The following ITGA9 variants were observed in gnomAD, a reference collection of about 807,000 sequenced individuals.
ITGA9 encodes the protein integrin subunit alpha 9, also known as integrin alpha-9.
In ITGA9, 56 loss-of-function variants were observed where a neutral mutation model predicts 127.8. The ratio of observed to expected loss-of-function variants is 0.44; its 90% CI spans 0.35 to 0.55. ITGA9 has a LOEUF of 0.55. Ranked by LOEUF, ITGA9 falls within the 20% of genes least tolerant of loss-of-function variation. The pLI is 0.00. For synonymous variants in ITGA9, 508 were observed against 514.5 expected (o/e 0.99, Z 0.17); for missense variants, 1,196 against 1,347.1 (o/e 0.89, Z 1.76).
chr3:37,803,800 T>A (rs1000670992), intron 26 of ITGA9, 23 bp from the exon 27 acceptor site: 1 of 1,613,958 alleles, frequency 6.2e-7, no homozygotes, highest in African/African-American at 1.3e-5. Flanking sequence ...AGGAAATGTT[T>A]TCACTGTTGC....
At chr3:37,529,657 A>G (rs944409934) in intron 13 of ITGA9, among the ~76,000 whole-genome samples, 3 of 152,206 alleles carry the variant, frequency 2.0e-5, no homozygotes, top group Non-Finnish European at 4.4e-5. Flanking sequence ...ACCCTCTTGG[A>G]AGAGATCAGA....
chr3:37,462,494 C>T (rs887231313), intron 1 of ITGA9, among the ~76,000 whole-genome samples: 6 of 152,142 alleles, frequency 3.9e-5, no homozygotes, highest in South Asian at 2.1e-4. Flanking sequence ...CTACCACTCC[C>T]GAAGCACAGA....
intron 16 of ITGA9, among the ~76,000 whole-genome samples, chr3:37,642,313 T>G (rs567561118): frequency 6.6e-6 from 1 of 152,330 alleles, no homozygotes; most frequent in Middle Eastern, 3.4e-3. Flanking sequence ...TGTTATTGTA[T>G]TTACCTCTCT....
chr3:37,656,721 T>A (rs1463778333), intron 17 of ITGA9, among the ~76,000 whole-genome samples: 4 of 152,194 alleles, frequency 2.6e-5, no homozygotes, highest in Non-Finnish European at 5.9e-5. Flanking sequence ...GAACTTCCAA[T>A]ACTATGTTGA....
At chr3:37,542,978 T>G (rs979336958) in intron 15 of ITGA9, among the ~76,000 whole-genome samples, 3 of 152,190 alleles carry the variant, frequency 2.0e-5, no homozygotes, top group African/African-American at 7.2e-5. Context: ...CTCAGTGGTC[T>G]ACTACAAATT....
chr3:37,744,955 T>C (rs1330684726), intron 22 of ITGA9, among the ~76,000 whole-genome samples: 1 of 152,162 alleles, frequency 6.6e-6, no homozygotes, highest in Non-Finnish European at 1.5e-5. Flanking sequence ...GTGAAGGAGA[T>C]GGGCCCAACT....
At chr3:37,530,619 A>G (rs765113852) in intron 13 of ITGA9, among the ~76,000 whole-genome samples, 1 of 151,638 alleles carries the variant, frequency 6.6e-6, no homozygotes, top group African/African-American at 2.4e-5. Context: ...CTTGAGCAAC[A>G]TGTCAAAGGG....
At chr3:37,804,031 T>TA in intron 27 of ITGA9, 89 bp downstream of exon 27, 1 of 1,585,804 alleles carries the variant, frequency 6.3e-7, no homozygotes, top group Non-Finnish European at 8.7e-7. Flanking sequence ...AGTATCCTGT[T>TA]AGAGCTTCCT....
intron 15 of ITGA9, among the ~76,000 whole-genome samples, chr3:37,564,675 G>T (rs1183612408): frequency 6.6e-6 from 1 of 152,168 alleles, no homozygotes; most frequent in Non-Finnish European, 1.5e-5. Context: ...CATCAAGATG[G>T]ATATACTTGC....
chr3:37,713,051 T>G (rs1229069582), intron 18 of ITGA9, among the ~76,000 whole-genome samples: 1 of 152,130 alleles, frequency 6.6e-6, no homozygotes, highest in Non-Finnish European at 1.5e-5. Flanking sequence ...ACCTTTCCAG[T>G]CCTTGGTCCT....
In ITGA9 at chr3:37,820,145, G is replaced by C. The variant is rs1390908443; in HGVS notation, c.*1156G>C. 1 of 152,274 alleles carries C rather than the reference G, an allele frequency of 6.6e-6. No homozygotes were observed. Among genetic ancestry groups the C allele is most frequent in the Non-Finnish European group, 1.5e-5 (1 of 68,084 alleles). The allele number at this position is 152,274 out of a possible 1,614,324, so 9.4% of individuals were successfully genotyped here. On this transcript the variant is annotated 3_prime_UTR_variant, in exon 28 of 28. Coordinates refer to ENST00000264741, the MANE Select transcript of ITGA9 (RefSeq NM_002207.3). ...AAGTATTCCCAGGGGATACCAGTAA[G>C]AGAGTGGGGGAAGCAGGACAAGGAA...
chr3:37,659,905 A>G (rs1700516379), intron 17 of ITGA9, among the ~76,000 whole-genome samples: 1 of 152,088 alleles, frequency 6.6e-6, no homozygotes, highest in South Asian at 2.1e-4. Context: ...ATGATGGCAC[A>G]TGATCTTTCA....
chr3:37,582,911 C>G (rs1270396039), intron 15 of ITGA9, among the ~76,000 whole-genome samples: 1 of 152,208 alleles, frequency 6.6e-6, no homozygotes, highest in Non-Finnish European at 1.5e-5. Flanking sequence ...ACTTGTCAAC[C>G]AGTAGGCCTT....
At chr3:37,469,916 C>G (rs1021819894) in intron 1 of ITGA9, among the ~76,000 whole-genome samples, 9 of 152,140 alleles carry the variant, frequency 5.9e-5, no homozygotes, top group African/African-American at 2.2e-4. Flanking sequence ...CTGCCTCAGC[C>G]TCTCAAGCAG....
intron 15 of ITGA9, among the ~76,000 whole-genome samples, chr3:37,616,600 A>G (rs1700077215): frequency 6.6e-6 from 1 of 151,478 alleles, no homozygotes; most frequent in Non-Finnish European, 1.5e-5. Flanking sequence ...TGGGAGTCTG[A>G]GTCTCTTTGT....
At chr3:37,745,142 G>T (rs1190115768) in intron 22 of ITGA9, among the ~76,000 whole-genome samples, 1 of 152,196 alleles carries the variant, frequency 6.6e-6, no homozygotes, top group Non-Finnish European at 1.5e-5. Flanking sequence ...GGACTTAGGG[G>T]ATGACAAATA....
chr3:37,743,651 T>A (rs1396569408), intron 21 of ITGA9, among the ~76,000 whole-genome samples: 2 of 152,246 alleles, frequency 1.3e-5, no homozygotes, highest in African/African-American at 4.8e-5. Context: ...ATCCAGTTTT[T>A]AAAAAGTCAA....
chr3:37,512,048 CTT>C (rs1559524587), intron 8 of ITGA9, among the ~76,000 whole-genome samples: 3 of 39,008 alleles, frequency 7.7e-5, no homozygotes, highest in African/African-American at 2.5e-4. Context: ...TTCTTTCTTT[CTT>C]TCTTTCTTTC....
chr3:37,616,260 T>C (rs1391398033), intron 15 of ITGA9, among the ~76,000 whole-genome samples: 6 of 152,320 alleles, frequency 3.9e-5, no homozygotes, highest in African/African-American at 4.8e-5. Context: ...TCAGTTTCCA[T>C]GTAGTTGAGC....
Sources: gnomAD v4.1 joint callset for allele counts (sites outside exome capture counted in the v4.1 genomes callset) on GRCh38, gnomAD v4.1.1 for gene constraint, MANE v1.5 for transcripts, NCBI Gene and HGNC (gene_info 2026-07-23, HGNC 2026-07-21) for gene names.